Variants in SEZ6L observed in about 807,000 individuals in gnomAD.
The protein encoded by SEZ6L is seizure 6-like protein.
SEZ6L carries 37 observed loss-of-function variants against 106.2 expected under a neutral mutation model. The ratio of observed to expected loss-of-function variants is 0.35; its 90% CI spans 0.27 to 0.46. The LOEUF (loss-of-function observed/expected upper bound fraction) is 0.46. Among genes scored for constraint, SEZ6L ranks in the 20% least tolerant of loss-of-function variants. SEZ6L has a pLI of 1.00. For synonymous variants in SEZ6L, 541 were observed against 570.4 expected, an observed-to-expected ratio of 0.95 and a Z score of 0.73; for missense variants, 1,172 against 1,332.8, an observed-to-expected ratio of 0.88 and a Z score of 1.88.
At chr22:26,239,295 C>T (rs115655106) in intron 1 of SEZ6L, among the ~76,000 whole-genome samples, 3,235 of 152,230 alleles carry the variant, frequency 0.021, 117 homozygotes, top group African/African-American at 0.074. Flanking sequence ...CTTTAGGTCC[C>T]CTATCCCCAG....
intron 13 of SEZ6L, among the ~76,000 whole-genome samples, chr22:26,371,609 G>A (rs1246357463): frequency 6.6e-6 from 1 of 151,816 alleles, no homozygotes; most frequent in Non-Finnish European, 1.5e-5. Context: ...TCCAGTCTAG[G>A]TGACAGAGCA....
intron 1 of SEZ6L, among the ~76,000 whole-genome samples, chr22:26,267,575 G>T (rs1020534596): frequency 6.6e-6 from 1 of 152,196 alleles, no homozygotes; most frequent in African/African-American, 2.4e-5. Context: ...CAAATTATTT[G>T]GGAAACATAG....
At chr22:26,234,901 T>TAA (rs1282376479) in intron 1 of SEZ6L, among the ~76,000 whole-genome samples, 1 of 152,200 alleles carries the variant, frequency 6.6e-6, no homozygotes, top group African/African-American at 2.4e-5. Flanking sequence ...ATATTTAAGC[T>TAA]AAGTCTTGAC....
At chr22:26,259,172 T>C (rs2145813436) in intron 1 of SEZ6L, among the ~76,000 whole-genome samples, 1 of 152,124 alleles carries the variant, frequency 6.6e-6, no homozygotes, top group East Asian at 1.9e-4. Context: ...AGAAGAAAAA[T>C]ATTTTTCATC....
intron 10 of SEZ6L, among the ~76,000 whole-genome samples, chr22:26,341,910 T>G (rs964128575): frequency 2.0e-5 from 3 of 152,178 alleles, no homozygotes; most frequent in African/African-American, 7.2e-5. Context: ...TGGGACACCA[T>G]GAAGTCCCAC....
intron 1 of SEZ6L, among the ~76,000 whole-genome samples, chr22:26,200,132 C>T (rs948990991): frequency 1.3e-5 from 2 of 152,196 alleles, no homozygotes; most frequent in African/African-American, 4.8e-5. Context: ...CCTTCCTTCT[C>T]CCTGCCTCAA....
intron 10 of SEZ6L, among the ~76,000 whole-genome samples, chr22:26,342,863 C>T (rs1011188335): frequency 3.3e-5 from 5 of 152,172 alleles, no homozygotes; most frequent in Admixed American, 1.3e-4. Context: ...ACAAGCTACC[C>T]CCTTGACCAT....
chr22:26,205,965 G>A lies in SEZ6L; in HGVS notation c.94+36202G>A, dbSNP rs148594767. The stretch of plus-strand genomic sequence containing the variant: ...CTCCAGGTGTCCAGTTTATGCTCTG[G>A]AACTCATCCTTCACCCTCCTGTTAC... On this transcript the variant is annotated intron_variant, in intron 1 of 16. Transcript: ENST00000248933. Among the ~76,000 whole-genome samples, 331 of 152,030 alleles carry A rather than the reference G, an allele frequency of 2.2e-3. 1 individual carries two copies. Among genetic ancestry groups the A allele is most frequent in the African/African-American group, 7.5e-3 (310 of 41,452 alleles).
chr22:26,240,918 G>A (rs2079106583), intron 1 of SEZ6L, among the ~76,000 whole-genome samples: 1 of 152,170 alleles, frequency 6.6e-6, no homozygotes, highest in African/African-American at 2.4e-5. Context: ...GGAAGATGGT[G>A]ACATTTGACC....
At chr22:26,193,513 C>T (rs541891786) in intron 1 of SEZ6L, among the ~76,000 whole-genome samples, 6 of 152,204 alleles carry the variant, frequency 3.9e-5, no homozygotes, top group East Asian at 1.9e-4. Context: ...TAAATGAGAA[C>T]GGTATGCTTT....
chr22:26,285,866 A>C (rs961489529), intron 1 of SEZ6L, among the ~76,000 whole-genome samples: 2 of 152,138 alleles, frequency 1.3e-5, no homozygotes, highest in Non-Finnish European at 2.9e-5. Flanking sequence ...ACTGCTGCTG[A>C]TATGCTGTGT....
intron 1 of SEZ6L, among the ~76,000 whole-genome samples, chr22:26,191,457 G>A (rs1569365312): frequency 6.6e-6 from 1 of 152,090 alleles, no homozygotes; most frequent in Non-Finnish European, 1.5e-5. Flanking sequence ...GAGCTGGAAG[G>A]CATTATCCTC....
intron 10 of SEZ6L, among the ~76,000 whole-genome samples, chr22:26,342,000 A>G (rs629429): frequency 0.46 from 69,666 of 151,998 alleles, 17,123 homozygotes; most frequent in Non-Finnish European, 0.55. Context: ...GAAACCCTGG[A>G]CAAGCAAGGA....
intron 13 of SEZ6L, among the ~76,000 whole-genome samples, chr22:26,366,706 TCAAACAAACAAA>T (rs35344967): frequency 6.6e-6 from 1 of 150,706 alleles, no homozygotes; most frequent in Admixed American, 6.6e-5. Context: ...AGACTCTGTC[TCAAACAAACAAA>T]CAAACAAACA....
intron 1 of SEZ6L, among the ~76,000 whole-genome samples, chr22:26,291,607 T>A (rs1400804885): frequency 3.3e-5 from 5 of 152,060 alleles, no homozygotes; most frequent in African/African-American, 9.7e-5. Context: ...AATTAAAATT[T>A]AAATTTAAAA....
chr22:26,306,808 CTTA>C lies in SEZ6L; in HGVS notation c.1514+667_1514+669del, dbSNP rs2081646584. On this transcript the variant is annotated intron_variant, in intron 6 of 16. Transcript: ENST00000248933. ...ATCTTATTCTGGGATATTCTGGCGT[CTTA>C]TTCTAGAATATTATGGGGTCTTGTT... Among the ~76,000 whole-genome samples the C allele has an allele frequency of 5.9e-5, 9 of 152,262 alleles. 1 individual carries two copies. The South Asian group carries it at 1.9e-3, about 32-fold the overall frequency.
Position 26,328,914 on chromosome 22 carries a change from C to T in SEZ6L, c.2016-11522C>T, listed in dbSNP as rs75935060. On this transcript the variant is annotated intron_variant, in intron 9 of 16. Coordinates refer to ENST00000248933, the MANE Select transcript of SEZ6L (RefSeq NM_021115.5). ...CAGTCCTGGCTGCCCAGGAGAACCC[C>T]CTGGGAATGGGAGTTTTAAGTGACA... Among the ~76,000 whole-genome samples, 851 of 152,192 alleles carry T rather than the reference C, an allele frequency of 5.6e-3. 4 individuals carry two copies. The highest frequency in any genetic ancestry group is 0.02 in the African/African-American group (820 of 41,522).
intron 1 of SEZ6L, among the ~76,000 whole-genome samples, chr22:26,175,260 A>G (rs910122132): frequency 6.6e-6 from 1 of 152,208 alleles, no homozygotes; most frequent in Non-Finnish European, 1.5e-5. Context: ...ACAGGTTACA[A>G]TTTTATTTAT....
chr22:26,208,260 T>C (rs548420136), intron 1 of SEZ6L, among the ~76,000 whole-genome samples: 1 of 152,304 alleles, frequency 6.6e-6, no homozygotes, highest in African/African-American at 2.4e-5. Flanking sequence ...CATTAGTTGG[T>C]TATTTACATT....
Sources: gnomAD v4.1 joint callset for allele counts (sites outside exome capture counted in the v4.1 genomes callset) on GRCh38, gnomAD v4.1.1 for gene constraint, MANE v1.5 for transcripts, NCBI Gene and HGNC (gene_info 2026-07-23, HGNC 2026-07-21) for gene names.